ALDH3B2: variants seen among roughly 807,000 people sequenced by gnomAD.
The protein encoded by ALDH3B2 is aldehyde dehydrogenase 3 family member B2, also known as aldehyde dehydrogenase family 3 member B2.
ALDH3B2 carries 45 observed loss-of-function variants against 36.7 expected under a neutral mutation model. That is an observed-to-expected ratio of 1.23 (90% CI 0.97 to 1.57). The LOEUF (loss-of-function observed/expected upper bound fraction) is 1.57. Among genes scored for constraint, ALDH3B2 ranks in the 40% most tolerant of loss-of-function variants. The pLI is 0.00. For missense variants in ALDH3B2, 464 were observed against 513.3 expected, an observed-to-expected ratio of 0.90 and a Z score of 0.93; for synonymous variants, 217 against 226.5, an observed-to-expected ratio of 0.96 and a Z score of 0.38.
At chr11:67,676,080 T>C (rs551247656), upstream of ALDH3B2, among the ~76,000 whole-genome samples, 161 of 152,158 alleles carry the variant, frequency 1.1e-3, 1 homozygote, top group African/African-American at 3.7e-3. Flanking sequence ...ACCCTGTCTC[T>C]ACTAAAAATA....
chr11:67,668,274 T>C (rs1370531716), intron 1 of ALDH3B2, among the ~76,000 whole-genome samples: 2 of 152,022 alleles, frequency 1.3e-5, no homozygotes, highest in Non-Finnish European at 2.9e-5. Flanking sequence ...GCTCCGGGGC[T>C]GGTATGGGTG....
intron 1 of ALDH3B2, among the ~76,000 whole-genome samples, chr11:67,670,651 A>G (rs78149231): frequency 0.016 from 2,510 of 152,298 alleles, 60 homozygotes; most frequent in African/African-American, 0.052. Context: ...CAAGATGAGG[A>G]GAGCAGCCCC....
At chr11:67,664,717 G>A in intron 7 of ALDH3B2, among the ~76,000 whole-genome samples, 155 bp from the exon 8 acceptor site, 1 of 152,224 alleles carries the variant, frequency 6.6e-6, no homozygotes, top group Non-Finnish European at 1.5e-5. Context: ...GTTTAGGGAA[G>A]AAAGTTTCCC....
At chr11:67,662,525 T>A (rs1408430533) in exon 10 of ALDH3B2, 1 of 152,654 alleles carries the variant, frequency 6.6e-6, no homozygotes, top group African/African-American at 2.4e-5. Flanking sequence ...CGACTCCATT[T>A]TATTAGAGTT....
chr11:67,675,738 T>C (rs188306370), upstream of ALDH3B2, among the ~76,000 whole-genome samples: 1 of 152,312 alleles, frequency 6.6e-6, no homozygotes, highest in African/African-American at 2.4e-5. Flanking sequence ...GGCAGAATGC[T>C]AAGGCCCATC....
upstream of ALDH3B2, among the ~76,000 whole-genome samples, chr11:67,675,503 G>A (rs1856249235): frequency 6.6e-6 from 1 of 152,218 alleles, no homozygotes; most frequent in Non-Finnish European, 1.5e-5. Context: ...CCCCAAGCCT[G>A]AGACCAAGGA....
chr11:67,673,131 C>G (rs553939748), intron 1 of ALDH3B2, among the ~76,000 whole-genome samples: 3 of 151,744 alleles, frequency 2.0e-5, no homozygotes, highest in Non-Finnish European at 4.4e-5. Context: ...GGGGTTTCAC[C>G]GTGCTAGCCA....
chr11:67,675,820 A>G (rs1364881556), upstream of ALDH3B2, among the ~76,000 whole-genome samples: 1 of 152,208 alleles, frequency 6.6e-6, no homozygotes, highest in East Asian at 1.9e-4. Context: ...TACACTGTAA[A>G]TGGGTGAGTT....
intron 8 of ALDH3B2, 88 bp downstream of exon 8, chr11:67,664,308 G>T: frequency 6.3e-7 from 1 of 1,588,494 alleles, no homozygotes; most frequent in Non-Finnish European, 8.6e-7. Flanking sequence ...CTGCTCTAAA[G>T]CCTTGCTGGG....
At chr11:67,679,527 C>A (rs1275367547), upstream of ALDH3B2, among the ~76,000 whole-genome samples, 1 of 151,614 alleles carries the variant, frequency 6.6e-6, no homozygotes, top group African/African-American at 2.4e-5. Context: ...TGCCTGTAAT[C>A]CCAGCAGTTT....
At chr11:67,675,847 C>G (rs1186869187), upstream of ALDH3B2, among the ~76,000 whole-genome samples, 1 of 152,202 alleles carries the variant, frequency 6.6e-6, no homozygotes, top group Non-Finnish European at 1.5e-5. Context: ...GATGTGAATG[C>G]TATCTCAATA....
Position 67,672,114 on chromosome 11 carries a change from G to A in ALDH3B2, c.-245+2323C>T, listed in dbSNP as rs1209705337. Reference sequence around the variant, plus strand: ...GTATGTATGTATTTTGTGTGTGTGTGTGTGTGTGTGTGTGTGTGTGTATAT... The same window carrying A: ...GTATGTATGTATTTTGTGTGTGTGTATGTGTGTGTGTGTGTGTGTGTATAT... On this transcript the variant is annotated intron_variant, in intron 1 of 9. Coordinates refer to ENST00000349015, the Ensembl canonical transcript of ALDH3B2. 1.2e-3 allele frequency among the ~76,000 whole-genome samples: 134 copies of A among 107,676 alleles called. 3 individuals are homozygous for A. The highest frequency in any genetic ancestry group is 5.0e-3 in the African/African-American group (120 of 24,122). The allele number at this position is 107,676 out of a possible 152,430, so 70.6% of individuals were successfully genotyped here. A position where few individuals can be genotyped will look rare whatever the true frequency, so the allele number is the denominator to read the frequency against.
upstream of ALDH3B2, among the ~76,000 whole-genome samples, chr11:67,678,598 TAC>T (rs963025549): frequency 7.9e-5 from 12 of 151,168 alleles, no homozygotes; most frequent in African/African-American, 2.9e-4. Flanking sequence ...GATATATATA[TAC>T]ACACACACAG....
chr11:67,666,637 T>C (rs1480740012), exon 4 of ALDH3B2: 7 of 1,613,980 alleles, frequency 4.3e-6, no homozygotes, highest in East Asian at 2.2e-5. Context: ...CAGGGTGCGA[T>C]GATGAGGACC....
At chr11:67,665,391 G>T (rs1855871465) in exon 7 of ALDH3B2, 3 of 1,614,080 alleles carry the variant, frequency 1.9e-6, no homozygotes, top group South Asian at 2.2e-5. Context: ...TGTGGCCCAG[G>T]TTTGGGGAGC....
exon 3 of ALDH3B2, chr11:67,667,008 G>A (rs929876011): frequency 6.3e-6 from 10 of 1,588,360 alleles, no homozygotes; most frequent in African/African-American, 2.7e-5. Context: ...TGTCTGCCTC[G>A]AAAGCTGGCT....
chr11:67,665,294 G>A (rs748845308), exon 7 of ALDH3B2: 24 of 1,606,806 alleles, frequency 1.5e-5, no homozygotes, highest in Middle Eastern at 1.7e-4. Flanking sequence ...CCGATGTAGC[G>A]ATCGCTCTCG....
At chr11:67,665,337 G>T (rs773608494) in exon 7 of ALDH3B2, 27 of 1,612,204 alleles carry the variant, frequency 1.7e-5, no homozygotes, top group Middle Eastern at 1.6e-4. Context: ...CGCGGCTGCA[G>T]CCCAGCAATG....
At chr11:67,669,776 G>A (rs1856038418) in intron 1 of ALDH3B2, among the ~76,000 whole-genome samples, 2 of 135,616 alleles carry the variant, frequency 1.5e-5, no homozygotes, top group African/African-American at 2.9e-5. Flanking sequence ...GTGTGTATGG[G>A]TGTCTGTGTG....
Sources: gnomAD v4.1 joint callset for allele counts (sites outside exome capture counted in the v4.1 genomes callset) on GRCh38, gnomAD v4.1.1 for gene constraint, MANE v1.5 for transcripts, NCBI Gene and HGNC (gene_info 2026-07-23, HGNC 2026-07-21) for gene names.